POU2AF3: variants seen among roughly 807,000 people sequenced by gnomAD.
POU2AF3 encodes POU class 2 homeobox associating factor 3, also known as cancer susceptibility candidate 13.
At chr11:111,299,082 G>C in the POU2AF3 span, 1 of 980,982 alleles carries the variant, frequency 1.0e-6, no homozygotes. Flanking sequence ...CGGAGAGGGC[G>C]CGGCGCCTGG....
At chr11:111,305,279 T>G in the POU2AF3 span, among the ~76,000 whole-genome samples, 9 of 152,366 alleles carry the variant, frequency 5.9e-5, 1 homozygote, top group South Asian at 4.1e-4. Flanking sequence ...AAAATCAGAA[T>G]TGTTCTCAGG....
At chr11:111,299,517 C>T in the POU2AF3 span, 7 of 1,165,144 alleles carry the variant, frequency 6.0e-6, no homozygotes, top group East Asian at 3.8e-5. Flanking sequence ...CCAGCGAACC[C>T]CTCTTGAGCG....
chr11:111,306,550 A>G, the POU2AF3 span: 2 of 1,551,724 alleles, frequency 1.3e-6, no homozygotes, highest in South Asian at 1.2e-5. Context: ...CCTTTGCTCA[A>G]TTCCACACAA....
the POU2AF3 span, chr11:111,304,748 T>C: frequency 4.6e-5 from 18 of 393,320 alleles, no homozygotes; most frequent in Non-Finnish European, 7.1e-5. Flanking sequence ...TTTTTTACAA[T>C]ATATTTTGTA....
At chr11:111,307,967 A>G in the POU2AF3 span, 1 of 1,087,548 alleles carries the variant, frequency 9.2e-7, no homozygotes, top group Non-Finnish European at 1.2e-6. Context: ...TTGGTTTTTT[A>G]CCCCTCATTT....
the POU2AF3 span, chr11:111,304,704 A>G: frequency 5.4e-6 from 2 of 372,232 alleles, no homozygotes; most frequent in East Asian, 7.8e-5. Flanking sequence ...TTCAAATTCT[A>G]TAAAATATTT....
chr11:111,307,120 C>T, the POU2AF3 span, among the ~76,000 whole-genome samples: 1 of 151,090 alleles, frequency 6.6e-6, no homozygotes, highest in Admixed American at 6.7e-5. Flanking sequence ...TTTGAGTCTG[C>T]TATAAGCACA....
chr11:111,306,696 C>G, the POU2AF3 span: 1 of 1,119,936 alleles, frequency 8.9e-7, no homozygotes, highest in African/African-American at 1.6e-5. Context: ...GAGTTTGCAC[C>G]ATCCCGTGGG....
the POU2AF3 span, chr11:111,299,182 G>T: frequency 1.0e-6 from 1 of 964,688 alleles, no homozygotes; most frequent in Non-Finnish European, 1.2e-6. Flanking sequence ...CTGGAACCCG[G>T]CTTGAGGGGG....
the POU2AF3 span, chr11:111,308,548 A>G: frequency 8.5e-7 from 1 of 1,172,194 alleles, no homozygotes; most frequent in Non-Finnish European, 1.2e-6. Flanking sequence ...AGCACAGTTT[A>G]CATGTCACTA....
At chr11:111,308,369 G>GC in the POU2AF3 span, 2 of 1,551,638 alleles carry the variant, frequency 1.3e-6, no homozygotes, top group Admixed American at 3.9e-5. Flanking sequence ...TGTGGACTTT[G>GC]CCCCCTCAGC....
the POU2AF3 span, among the ~76,000 whole-genome samples, chr11:111,303,741 G>T: frequency 6.6e-6 from 1 of 152,142 alleles, no homozygotes; most frequent in Non-Finnish European, 1.5e-5. Context: ...TCCTGTTTCA[G>T]CAGTGGCTGC....
chr11:111,302,196 G>T, the POU2AF3 span, among the ~76,000 whole-genome samples: 1 of 152,162 alleles, frequency 6.6e-6, no homozygotes, highest in Non-Finnish European at 1.5e-5. Context: ...GTAGGACTAA[G>T]GTCTTTTTCT....
the POU2AF3 span, chr11:111,300,359 T>G: frequency 1.4e-5 from 5 of 357,586 alleles, no homozygotes; most frequent in African/African-American, 1.0e-4. Context: ...TCTTCATTCT[T>G]TCAAGTTTGA....
chr11:111,306,610 T>C, the POU2AF3 span: 1 of 1,551,624 alleles, frequency 6.4e-7, no homozygotes, highest in African/African-American at 1.4e-5. Context: ...CCTTTCTGCT[T>C]TAACCAGAGC....
the POU2AF3 span, chr11:111,304,731 T>C: frequency 2.6e-6 from 1 of 388,094 alleles, no homozygotes; most frequent in East Asian, 3.7e-5. Context: ...ACTTTCCCTT[T>C]CACTTGTTTT....
the POU2AF3 span, chr11:111,299,478 C>T: frequency 9.1e-7 from 1 of 1,103,980 alleles, no homozygotes; most frequent in Non-Finnish European, 1.1e-6. Flanking sequence ...GCTGAGGCTG[C>T]CCCTGCTCCC....
chr11:111,308,194 C>G, the POU2AF3 span: 3 of 1,551,912 alleles, frequency 1.9e-6, no homozygotes, highest in Non-Finnish European at 2.6e-6. Flanking sequence ...ACACCAGAAC[C>G]TGTGGCTACC....
At chr11:111,303,943 G>A in the POU2AF3 span, among the ~76,000 whole-genome samples, 4 of 150,680 alleles carry the variant, frequency 2.7e-5, no homozygotes, top group Non-Finnish European at 5.9e-5. Context: ...TAATTCAACT[G>A]AAAAATGCAG....
Sources: allele counts gnomAD v4.1 joint callset (sites outside exome capture counted in the v4.1 genomes callset), GRCh38; gene constraint gnomAD v4.1.1; transcripts MANE v1.5; gene names NCBI Gene and HGNC (gene_info 2026-07-23, HGNC 2026-07-21).